Variants in SYNPR observed in about 807,000 individuals in gnomAD.
SYNPR encodes synaptoporin.
Under a neutral mutation model 32.9 loss-of-function variants are expected in SYNPR, and 23 were observed. That is an observed-to-expected ratio of 0.70 (90% CI 0.50 to 0.99). The LOEUF (loss-of-function observed/expected upper bound fraction) is 0.99, where lower values mean the gene tolerates loss of function less well. SYNPR is among the 50% of genes least tolerant of loss of function. The probability of loss-of-function intolerance (pLI) is 0.00; values close to 1 mark genes in which losing one functional copy is unlikely to be tolerated. For synonymous variants in SYNPR, 146 were observed against 135.9 expected, an observed-to-expected ratio of 1.07 and a Z score of -0.52; for missense variants, 318 against 349.3, an observed-to-expected ratio of 0.91 and a Z score of 0.71.
chr3:63,520,403 G>A (rs571766670), intron 3 of SYNPR, among the ~76,000 whole-genome samples: 27 of 152,178 alleles, frequency 1.8e-4, no homozygotes, highest in Middle Eastern at 3.4e-3. Flanking sequence ...GGCCGGGTGC[G>A]GTGGCTCACG....
At chr3:63,424,013 A>G (rs1699848241) in intron 2 of SYNPR, among the ~76,000 whole-genome samples, 2 of 152,220 alleles carry the variant, frequency 1.3e-5, no homozygotes, top group South Asian at 4.1e-4. Flanking sequence ...CAGTCTAAAG[A>G]GACATCATGA....
chr3:63,260,814 T>C (rs1244197791), intron 2 of SYNPR, among the ~76,000 whole-genome samples: 2 of 151,502 alleles, frequency 1.3e-5, no homozygotes, highest in Admixed American at 6.6e-5. Flanking sequence ...ATTTTTGCAA[T>C]CTACTCATCT....
At chr3:63,403,855 A>G (rs1169757173) in intron 2 of SYNPR, among the ~76,000 whole-genome samples, 1 of 152,222 alleles carries the variant, frequency 6.6e-6, no homozygotes, top group African/African-American at 2.4e-5. Context: ...AGCCTCATCA[A>G]AAAACTGTGC....
chr3:63,247,476 G>A (rs1226797479), intron 1 of SYNPR, among the ~76,000 whole-genome samples: 1 of 152,052 alleles, frequency 6.6e-6, no homozygotes, highest in Non-Finnish European at 1.5e-5. Context: ...GGCTTGCTTA[G>A]AGCTGAATTA....
chr3:63,589,155 G>A (rs558277340), intron 4 of SYNPR, among the ~76,000 whole-genome samples: 2 of 152,048 alleles, frequency 1.3e-5, no homozygotes, highest in African/African-American at 2.4e-5. Context: ...TTCACCGTGA[G>A]TCCTGAGACT....
chr3:63,396,436 T>C (rs933041783), intron 2 of SYNPR, among the ~76,000 whole-genome samples: 2 of 152,214 alleles, frequency 1.3e-5, no homozygotes, highest in African/African-American at 4.8e-5. Flanking sequence ...AAGTTTTCAG[T>C]CGCTCCTTCC....
At chr3:63,348,675 G>A (rs1175851013) in intron 2 of SYNPR, among the ~76,000 whole-genome samples, 2 of 152,100 alleles carry the variant, frequency 1.3e-5, no homozygotes, top group Non-Finnish European at 2.9e-5. Flanking sequence ...TTACATTTAA[G>A]TATTTGATCC....
chr3:63,552,144 TGCCTCG>T lies in SYNPR; in HGVS notation c.210-4393_210-4388del, dbSNP rs539187758. 3.5e-4 allele frequency among the ~76,000 whole-genome samples: 54 copies of T among 152,192 alleles called. 1 individual carries two copies. In the South Asian group the frequency reaches 0.011, roughly 30 times the overall value. Reference sequence around the variant, plus strand: ...AACTCCTGACCTCAGGCAGTCTGCCTGCCTCGGCCTCCCAAAGTGCTGTGATTACAG... The same window carrying T: ...AACTCCTGACCTCAGGCAGTCTGCCTGCCTCCCAAAGTGCTGTGATTACAG... On this transcript the variant is annotated intron_variant, in intron 3 of 5. Transcript: ENST00000478300.
At chr3:63,246,569 G>A (rs866525105) in intron 1 of SYNPR, among the ~76,000 whole-genome samples, 20 of 152,038 alleles carry the variant, frequency 1.3e-4, no homozygotes, top group Admixed American at 2.6e-4. Context: ...CAGGGGGTAG[G>A]TATTTTATAC....
At chr3:63,592,696 TA>T (rs1455406140) in intron 4 of SYNPR, among the ~76,000 whole-genome samples, 1 of 152,026 alleles carries the variant, frequency 6.6e-6, no homozygotes, top group Non-Finnish European at 1.5e-5. Flanking sequence ...CGACACAAAT[TA>T]AAAAATAAAT....
intron 4 of SYNPR, among the ~76,000 whole-genome samples, chr3:63,597,320 ATAGT>A (rs1354738376): frequency 6.6e-6 from 1 of 152,218 alleles, no homozygotes; most frequent in Non-Finnish European, 1.5e-5. Context: ...CATTATTAAC[ATAGT>A]TAGAAGACAA....
chr3:63,276,707 A>C (rs2086577435), upstream of SYNPR, among the ~76,000 whole-genome samples: 1 of 147,348 alleles, frequency 6.8e-6, no homozygotes, highest in Non-Finnish European at 1.5e-5. Flanking sequence ...GCATGTAGGA[A>C]GAGCAGTAGG....
chr3:63,427,226 C>A (rs532541875), intron 2 of SYNPR, among the ~76,000 whole-genome samples: 14 of 140,986 alleles, frequency 9.9e-5, no homozygotes, highest in Non-Finnish European at 1.6e-4. Flanking sequence ...TTATTTACTG[C>A]TTTTTTTTTT....
At chr3:63,528,440 T>A (rs1006069873) in intron 3 of SYNPR, among the ~76,000 whole-genome samples, 9 of 152,236 alleles carry the variant, frequency 5.9e-5, no homozygotes, top group Admixed American at 5.9e-4. Context: ...CTCAAGAGAC[T>A]AGACTTAAAC....
chr3:63,568,748 A>G (rs11711276), intron 4 of SYNPR, among the ~76,000 whole-genome samples: 22,451 of 152,098 alleles, frequency 0.15, 2,184 homozygotes, highest in South Asian at 0.34. Context: ...GGAGAGAGAA[A>G]GGCTTACCAA....
At chr3:63,573,074 A>T (rs1163825580) in intron 4 of SYNPR, among the ~76,000 whole-genome samples, 1 of 152,152 alleles carries the variant, frequency 6.6e-6, no homozygotes, top group Non-Finnish European at 1.5e-5. Flanking sequence ...TTTTCCAATT[A>T]GGGGGACAAC....
At chr3:63,493,815 C>CAAA (rs3083190) in intron 3 of SYNPR, among the ~76,000 whole-genome samples, 1,224 of 75,024 alleles carry the variant, frequency 0.016, 76 homozygotes, top group African/African-American at 0.055. Flanking sequence ...GACTCTGTCT[C>CAAA]AAAAAAAAAA....
intron 3 of SYNPR, among the ~76,000 whole-genome samples, chr3:63,482,443 G>T (rs759519467): frequency 2.0e-5 from 3 of 152,116 alleles, no homozygotes; most frequent in Admixed American, 6.5e-5. Flanking sequence ...GAAAGTTGGA[G>T]CAGGAGAAGA....
Position 63,337,014 on chromosome 3 carries a change from T to G in SYNPR, c.84+58272T>G, listed in dbSNP as rs1055338903. On this transcript the variant is annotated intron_variant, in intron 2 of 5. Coordinates refer to ENST00000478300, the MANE Select transcript of SYNPR (RefSeq NM_001130003.2). ...TGGAAGGTCCAGGTGGGCAGATCAC[T>G]TGAGGTCAGGAGTTCGAGACCAGCC... Among the ~76,000 whole-genome samples the G allele has an allele frequency of 2.0e-5, 3 of 152,026 alleles. No individual in the cohort carries two copies. The East Asian group carries it at 5.8e-4, about 29-fold the overall frequency.
Sources: allele counts gnomAD v4.1 joint callset (sites outside exome capture counted in the v4.1 genomes callset), GRCh38; gene constraint gnomAD v4.1.1; transcripts MANE v1.5; gene names NCBI Gene and HGNC (gene_info 2026-07-23, HGNC 2026-07-21).